MPPED1: variants seen among roughly 807,000 people sequenced by gnomAD.
MPPED1 encodes the protein metallophosphoesterase domain-containing protein 1.
MPPED1 carries 16 observed loss-of-function variants against 36.2 expected under a neutral mutation model. The ratio of observed to expected loss-of-function variants is 0.44; its 90% CI spans 0.30 to 0.67. The LOEUF is 0.67. Among genes scored for constraint, MPPED1 ranks in the 30% least tolerant of loss-of-function variants. MPPED1 has a pLI of 0.10. For synonymous variants in MPPED1, 199 were observed against 191.3 expected (o/e 1.04, Z -0.33); for missense variants, 307 against 453.4 (o/e 0.68, Z 2.93).
At chr22:43,460,242 CA>C (rs1930902787) in intron 3 of MPPED1, among the ~76,000 whole-genome samples, 2 of 131,066 alleles carry the variant, frequency 1.5e-5, no homozygotes, top group East Asian at 2.5e-4. Flanking sequence ...AAAACAAAAA[CA>C]AAAACAAAAA....
At chr22:43,501,205 C>T (rs562967063) in intron 5 of MPPED1, among the ~76,000 whole-genome samples, 10 of 152,324 alleles carry the variant, frequency 6.6e-5, no homozygotes, top group African/African-American at 2.2e-4. Context: ...CCTGAAGCCG[C>T]CTGAGTCCTG....
At chr22:43,489,361 C>T (rs1328252194) in intron 4 of MPPED1, among the ~76,000 whole-genome samples, 2 of 151,940 alleles carry the variant, frequency 1.3e-5, no homozygotes, top group Non-Finnish European at 2.9e-5. Flanking sequence ...GTGAGATCAC[C>T]CCAAGGGGTC....
chr22:43,500,614 C>T (rs1002302908), intron 5 of MPPED1, among the ~76,000 whole-genome samples: 15 of 152,084 alleles, frequency 9.9e-5, no homozygotes, highest in Middle Eastern at 3.4e-3. Flanking sequence ...CCCAGCAGTT[C>T]GGCCCATATC....
Position 43,500,169 on chromosome 22 carries a change from A to G in MPPED1, c.748+1819A>G, listed in dbSNP as rs1426072627. Among the ~76,000 whole-genome samples, 13 of 18,366 alleles carry G rather than the reference A, an allele frequency of 7.1e-4. 1 individual carries two copies. Among genetic ancestry groups the G allele is most frequent in the East Asian group, 2.1e-3 (1 of 480 alleles). The allele number at this position is 18,366 out of a possible 152,430, so 12.0% of individuals were successfully genotyped here. A position where few individuals can be genotyped will look rare whatever the true frequency, so the allele number is the denominator to read the frequency against. On this transcript the variant is annotated intron_variant, in intron 5 of 6. Coordinates refer to ENST00000443721, the MANE Select transcript of MPPED1 (RefSeq NM_001044370.2). ...GGTGGGGGTGGTGGTGGTGATGGTG[A>G]TGGAGGTGGTGGTGATGGTGATGGA...
At chr22:43,499,541 ATGGTGGGTGGTGG>A (rs1932557800) in intron 5 of MPPED1, among the ~76,000 whole-genome samples, 5 of 35,872 alleles carry the variant, frequency 1.4e-4, no homozygotes, top group Admixed American at 2.9e-4. Context: ...GGTGGTGGTG[ATGGTGGGTGGTGG>A]TGGAGGTGGT....
In MPPED1 at chr22:43,502,096, C is replaced by T. The variant is rs1475268740; in HGVS notation, c.749-548C>T. Among the ~76,000 whole-genome samples, 2 of 152,132 alleles carry T rather than the reference C, an allele frequency of 1.3e-5. No homozygotes were observed. Among genetic ancestry groups the T allele is most frequent in the African/African-American group, 4.8e-5 (2 of 41,428 alleles). The stretch of plus-strand genomic sequence containing the variant: ...CCAGGAGGCTGGCAGCGGGGGCAGG[C>T]GCAGGCGCAGCCACGTGAGCGATGC... On this transcript the variant is annotated intron_variant, in intron 5 of 6. Coordinates refer to ENST00000443721, the MANE Select transcript of MPPED1 (RefSeq NM_001044370.2). The surrounding 1 kb of genome is among the most constrained non-coding windows in gnomAD (Gnocchi z 5.5).
intron 3 of MPPED1, among the ~76,000 whole-genome samples, chr22:43,447,582 C>G (rs1930388494): frequency 6.6e-6 from 1 of 151,790 alleles, no homozygotes; most frequent in Admixed American, 6.6e-5. Context: ...ACGATCGCCA[C>G]TTAGAGAGAG....
intron 3 of MPPED1, among the ~76,000 whole-genome samples, chr22:43,458,429 G>A (rs60818619): frequency 0.05 from 7,535 of 152,038 alleles, 624 homozygotes; most frequent in African/African-American, 0.17. Flanking sequence ...GGGATTACAG[G>A]CACGTGCCAC....
At chr22:43,427,159 A>G (rs1929506727) in intron 2 of MPPED1, among the ~76,000 whole-genome samples, 1 of 152,204 alleles carries the variant, frequency 6.6e-6, no homozygotes, top group South Asian at 2.1e-4. Flanking sequence ...CAGTGGGACC[A>G]TGGACAGCTG....
chr22:43,437,280 A>G (rs12160442), intron 3 of MPPED1, among the ~76,000 whole-genome samples: 3,266 of 152,206 alleles, frequency 0.021, 117 homozygotes, highest in African/African-American at 0.076. Context: ...CGTTTTTTCT[A>G]TGAAGCTCAG....
chr22:43,419,895 G>T (rs1021085250), intron 1 of MPPED1, among the ~76,000 whole-genome samples: 1 of 152,050 alleles, frequency 6.6e-6, no homozygotes. Context: ...TGGCCTCACT[G>T]GACTCACAGT....
intron 4 of MPPED1, among the ~76,000 whole-genome samples, chr22:43,484,031 T>G (rs1045521732): frequency 6.6e-6 from 1 of 152,258 alleles, no homozygotes; most frequent in Non-Finnish European, 1.5e-5. Flanking sequence ...GAGGCCTCCC[T>G]TCTTGCGGCC....
rs908236047 is a variant in MPPED1, at chr22:43,438,432, G to A, written c.406+3217G>A. On this transcript the variant is annotated intron_variant, in intron 3 of 6. Transcript: ENST00000443721. ...TGGGAGAAGCAGGGCAGTGGGGCAG[G>A]CACTGGTCCACACAGGCCTCCTGGG... Among the ~76,000 whole-genome samples the A allele has an allele frequency of 2.0e-5, 3 of 152,160 alleles. No homozygotes were observed. In the East Asian group the frequency reaches 5.8e-4, roughly 29 times the overall value.
At chr22:43,497,079 TGGAGGTAGTGGTGGC>T (rs1932437819) in intron 4 of MPPED1, among the ~76,000 whole-genome samples, 1 of 147,972 alleles carries the variant, frequency 6.8e-6, no homozygotes, top group Admixed American at 6.7e-5. Flanking sequence ...GAGGTGGTGG[TGGAGGTAGTGGTGGC>T]GGAGATGGTG....
intron 3 of MPPED1, among the ~76,000 whole-genome samples, chr22:43,444,672 T>A (rs1444522400): frequency 1.3e-5 from 2 of 152,092 alleles, no homozygotes; most frequent in Non-Finnish European, 2.9e-5. Flanking sequence ...CCTTTATTTC[T>A]TTATTTTTTT....
At chr22:43,473,812 A>C (rs1186805486) in intron 3 of MPPED1, among the ~76,000 whole-genome samples, 1 of 152,088 alleles carries the variant, frequency 6.6e-6, no homozygotes, top group Non-Finnish European at 1.5e-5. Flanking sequence ...GCTGCCGAGA[A>C]ACCAGCCCCC....
At chr22:43,473,785 G>A (rs1366327184) in intron 3 of MPPED1, among the ~76,000 whole-genome samples, 1 of 152,142 alleles carries the variant, frequency 6.6e-6, no homozygotes, top group Admixed American at 6.5e-5. Flanking sequence ...AGCCTGGTGG[G>A]TGAGGCCTGC....
intron 5 of MPPED1, among the ~76,000 whole-genome samples, chr22:43,501,636 T>G (rs564402569): frequency 1.3e-5 from 2 of 152,276 alleles, no homozygotes; most frequent in East Asian, 3.9e-4. Flanking sequence ...TCCGGCCTCA[T>G]GCATGGTGGG....
At chr22:43,425,972 G>A (rs1929454706) in intron 2 of MPPED1, among the ~76,000 whole-genome samples, 2 of 152,190 alleles carry the variant, frequency 1.3e-5, no homozygotes, top group African/African-American at 2.4e-5. Context: ...CTGGAAAGCT[G>A]TGGGTAGCTT....
Sources: allele counts gnomAD v4.1 joint callset (sites outside exome capture counted in the v4.1 genomes callset), GRCh38; gene constraint gnomAD v4.1.1; non-coding constraint Gnocchi (gnomAD v3.1); transcripts MANE v1.5; gene names NCBI Gene and HGNC (gene_info 2026-07-23, HGNC 2026-07-21).